ARB2A: variants seen among roughly 807,000 people sequenced by gnomAD.
ARB2A encodes the protein ARB2 cotranscriptional regulator A, also known as cotranscriptional regulator ARB2A.
the ARB2A span, among the ~76,000 whole-genome samples, chr5:93,936,259 G>A: frequency 6.6e-6 from 1 of 151,856 alleles, no homozygotes; most frequent in African/African-American, 2.4e-5. Context: ...CTTCTAAGTG[G>A]GTATATCCTC....
chr5:94,061,559 A>C, the ARB2A span, among the ~76,000 whole-genome samples: 1 of 152,236 alleles, frequency 6.6e-6, no homozygotes, highest in Non-Finnish European at 1.5e-5. Flanking sequence ...TAAGGAATCC[A>C]TAAAAGAATC....
chr5:93,760,361 A>C, the ARB2A span, among the ~76,000 whole-genome samples: 1 of 152,210 alleles, frequency 6.6e-6, no homozygotes, highest in Admixed American at 6.5e-5. Flanking sequence ...AATCTCCATC[A>C]AAATACCACC....
the ARB2A span, among the ~76,000 whole-genome samples, chr5:93,857,258 T>G: frequency 1.3e-5 from 2 of 152,118 alleles, no homozygotes; most frequent in African/African-American, 4.8e-5. Context: ...GAGGAGGCAG[T>G]CTGCCCATTC....
chr5:93,856,206 G>C, the ARB2A span, among the ~76,000 whole-genome samples: 2 of 152,126 alleles, frequency 1.3e-5, no homozygotes, highest in South Asian at 2.1e-4. Context: ...CTTTCTCTCT[G>C]GCTGCCCTTA....
At chr5:94,007,719 A>G in the ARB2A span, among the ~76,000 whole-genome samples, 122 of 151,872 alleles carry the variant, frequency 8.0e-4, no homozygotes, top group African/African-American at 2.8e-3. Flanking sequence ...AGGTTGTAGT[A>G]AGCTGAGATT....
the ARB2A span, among the ~76,000 whole-genome samples, chr5:94,069,001 C>T: frequency 1.3e-5 from 2 of 151,372 alleles, no homozygotes; most frequent in African/African-American, 4.9e-5. Flanking sequence ...TGCCATTGCA[C>T]TCCAGCCTCG....
the ARB2A span, among the ~76,000 whole-genome samples, chr5:94,092,815 C>T: frequency 6.6e-6 from 1 of 152,076 alleles, no homozygotes. Context: ...TGCTCCTTTG[C>T]TTTTTATACC....
chr5:93,963,271 G>A, the ARB2A span, among the ~76,000 whole-genome samples: 2 of 152,020 alleles, frequency 1.3e-5, no homozygotes, highest in Admixed American at 1.3e-4. Context: ...AAAAAGACTG[G>A]TATATTCATT....
the ARB2A span, among the ~76,000 whole-genome samples, chr5:94,103,457 T>G: frequency 6.6e-6 from 1 of 151,954 alleles, no homozygotes; most frequent in Non-Finnish European, 1.5e-5. Flanking sequence ...CAATTCAACA[T>G]GAAAACTTTA....
chr5:93,764,376 A>G, the ARB2A span, among the ~76,000 whole-genome samples: 3 of 152,136 alleles, frequency 2.0e-5, no homozygotes, highest in African/African-American at 4.8e-5. Flanking sequence ...TATCACCACC[A>G]ATCCCACAGA....
At chr5:93,636,899 T>C in the ARB2A span, among the ~76,000 whole-genome samples, 9 of 152,182 alleles carry the variant, frequency 5.9e-5, no homozygotes, top group African/African-American at 2.2e-4. Context: ...TATGCAGTTA[T>C]AAGAAATAAC....
the ARB2A span, among the ~76,000 whole-genome samples, chr5:93,923,908 C>A: frequency 6.6e-6 from 1 of 151,916 alleles, no homozygotes; most frequent in Non-Finnish European, 1.5e-5. Flanking sequence ...TAATATGTAT[C>A]CAAAAGAAGA....
chr5:94,086,572 C>A, the ARB2A span, among the ~76,000 whole-genome samples: 1 of 152,032 alleles, frequency 6.6e-6, no homozygotes, highest in African/African-American at 2.4e-5. Flanking sequence ...GTTTTTTTGA[C>A]ATGTAGTTTT....
At chr5:93,921,245 C>T in the ARB2A span, among the ~76,000 whole-genome samples, 1 of 151,254 alleles carries the variant, frequency 6.6e-6, no homozygotes, top group Non-Finnish European at 1.5e-5. Flanking sequence ...TTGCAAAATT[C>T]CTTTTCATCT....
the ARB2A span, among the ~76,000 whole-genome samples, chr5:93,889,416 T>G: frequency 6.6e-6 from 1 of 151,910 alleles, no homozygotes; most frequent in Admixed American, 6.6e-5. Flanking sequence ...TGAATTTCTC[T>G]TCCCACAATG....
chr5:93,938,499 T>A, the ARB2A span, among the ~76,000 whole-genome samples: 2 of 152,200 alleles, frequency 1.3e-5, no homozygotes, highest in African/African-American at 2.4e-5. Flanking sequence ...GTTTAGTGCT[T>A]CCTACACAAC....
the ARB2A span, chr5:93,866,129 A>G: frequency 3.0e-6 from 3 of 985,438 alleles, no homozygotes; most frequent in Non-Finnish European, 3.6e-6. Flanking sequence ...AAAAAAGAGG[A>G]TAATACAAGC....
At chr5:93,908,271 T>C in the ARB2A span, among the ~76,000 whole-genome samples, 1 of 151,156 alleles carries the variant, frequency 6.6e-6, no homozygotes, top group Non-Finnish European at 1.5e-5. Flanking sequence ...AAATAAAATA[T>C]ATTAAGCTAT....
chr5:94,053,072 TATAGATAG>T, the ARB2A span: 30,165 of 638,252 alleles, frequency 0.047, 938 homozygotes, highest in East Asian at 0.14. Context: ...TTGCATATAC[TATAGATAG>T]ATAGATAGAT....
Sources: allele counts gnomAD v4.1 joint callset (sites outside exome capture counted in the v4.1 genomes callset), GRCh38; gene constraint gnomAD v4.1.1; transcripts MANE v1.5; gene names NCBI Gene and HGNC (gene_info 2026-07-23, HGNC 2026-07-21).